The following C16orf87 variants were observed in gnomAD, a reference collection of about 807,000 sequenced individuals.
C16orf87 encodes the protein HDAC and MIER1 interacting protein 1, also known as UPF0547 protein C16orf87.
C16orf87 carries 13 observed loss-of-function variants against 21.0 expected under a neutral mutation model. That is an observed-to-expected ratio of 0.62 (90% CI 0.40 to 0.98). C16orf87 has a LOEUF of 0.98. Ranked by LOEUF, C16orf87 falls within the 50% of genes least tolerant of loss-of-function variation. The pLI is 0.00. For missense variants in C16orf87, 113 were observed against 180.4 expected (o/e 0.63, Z 2.14); for synonymous variants, 49 against 60.2 (o/e 0.81, Z 0.86).
intron 2 of C16orf87, among the ~76,000 whole-genome samples, chr16:46,823,773 T>G (rs1959510753): frequency 6.6e-6 from 1 of 152,180 alleles, no homozygotes. Flanking sequence ...TAAAAAGGAA[T>G]GAACTCTTAT....
Position 46,801,380 on chromosome 16 carries a change from C to CGTG in C16orf87, c.*1569_*1571dup, listed in dbSNP as rs1184086249. 1.3e-5 allele frequency: 2 copies of CGTG among 150,802 alleles called. No homozygotes were observed. The highest frequency in any genetic ancestry group is 4.9e-5 in the African/African-American group (2 of 41,156). 9.3% of individuals were successfully genotyped at this position (150,802 alleles called of 1,614,324 possible). A position where few individuals can be genotyped will look rare whatever the true frequency, so the allele number is the denominator to read the frequency against. The stretch of plus-strand genomic sequence containing the variant: ...AAATACAAAAAAAAAAACAGCCAGG[C>CGTG]GTGGTGGCGCACGCCTCTAGTCACA... On this transcript the variant is annotated 3_prime_UTR_variant, in exon 4 of 4. Transcript: ENST00000285697.
chr16:46,824,539 C>T, intron 1 of C16orf87, 57 bp from the exon 2 acceptor site: 2 of 745,610 alleles, frequency 2.7e-6, no homozygotes, highest in Non-Finnish European at 4.4e-6. Flanking sequence ...TTAAATTTCT[C>T]AGTGTCTATG....
At chr16:46,827,984 G>C (rs1016927295) in intron 1 of C16orf87, among the ~76,000 whole-genome samples, 45 of 151,476 alleles carry the variant, frequency 3.0e-4, no homozygotes, top group Non-Finnish European at 4.9e-4. Context: ...GCCCAGGCTG[G>C]AGTACAGTGG....
chr16:46,802,891 CTGTT>C lies in C16orf87; in HGVS notation c.*57_*60del, dbSNP rs1339991430. ...TCAGAATGCTCCTGAGAGTCCATAA[CTGTT>C]TGAGAATTTGCTGATGTTATCCTGA... On this transcript the variant is annotated 3_prime_UTR_variant, in exon 4 of 4. Transcript: ENST00000285697. 9 of 807,170 alleles carry C rather than the reference CTGTT, an allele frequency of 1.1e-5. No homozygotes were observed. Among genetic ancestry groups the C allele is most frequent in the Non-Finnish European group, 2.0e-5 (9 of 457,450 alleles). The allele number at this position is 807,170 out of a possible 1,614,324, so 50.0% of individuals were successfully genotyped here.
At chr16:46,803,361 T>G (rs904854139) in intron 3 of C16orf87, among the ~76,000 whole-genome samples, 2 of 152,224 alleles carry the variant, frequency 1.3e-5, no homozygotes, top group Non-Finnish European at 2.9e-5. Context: ...TCAATCAAAA[T>G]GAATTTTCTC....
chr16:46,824,542 T>G, intron 1 of C16orf87, 60 bp from the exon 2 acceptor site: 1 of 715,390 alleles, frequency 1.4e-6, no homozygotes, highest in Non-Finnish European at 2.3e-6. Flanking sequence ...AATTTCTCAG[T>G]GTCTATGTGG....
In C16orf87 at chr16:46,802,846, G is replaced by A. The variant is rs1567305578; in HGVS notation, c.*106C>T. The A allele has an allele frequency of 7.4e-6, 5 of 675,370 alleles. No homozygotes were observed. The highest frequency in any genetic ancestry group is 2.6e-5 in the East Asian group (1 of 39,066). The allele number at this position is 675,370 out of a possible 1,614,324, so 41.8% of individuals were successfully genotyped here. On this transcript the variant is annotated 3_prime_UTR_variant, in exon 4 of 4. Transcript: ENST00000285697. Reference sequence around the variant, plus strand: ...AACGACAGGCGAGAAAGAAACAATCGATGGCCCTTATTGATGCAGTCAGAA... The same window carrying A: ...AACGACAGGCGAGAAAGAAACAATCAATGGCCCTTATTGATGCAGTCAGAA...
rs184984616 is a variant in C16orf87 at position 46,797,781 on chromosome 16, G to A, written c.*5171C>T. On this transcript the variant is annotated 3_prime_UTR_variant, in exon 4 of 4. Transcript: ENST00000285697. ...AAGTGAACTGTAAAAAGTGAAGTAT[G>A]TTTATAGTAATCCCTAGAGCAAATA... 6.6e-6 allele frequency: 1 copy of A among 152,214 alleles called. No individual in the cohort carries two copies. The highest frequency in any genetic ancestry group is 2.4e-5 in the African/African-American group (1 of 41,528). The allele number at this position is 152,214 out of a possible 1,614,324, so 9.4% of individuals were successfully genotyped here. A position where few individuals can be genotyped will look rare whatever the true frequency, so the allele number is the denominator to read the frequency against.
In C16orf87 at chr16:46,796,798, G is replaced by A. The variant is rs1032311162; in HGVS notation, c.*6154C>T. 5.3e-5 allele frequency: 8 copies of A among 152,276 alleles called. No homozygotes were observed. The highest frequency in any genetic ancestry group is 3.9e-4 in the Admixed American group (6 of 15,286). 9.4% of individuals were successfully genotyped at this position (152,276 alleles called of 1,614,324 possible). ...CATCACTGGAGCCTAAGAGGGAGGA[G>A]AAAGTAGAGCAGAAAATATCTGAAT... On this transcript the variant is annotated 3_prime_UTR_variant, in exon 4 of 4. Transcript: ENST00000285697.
At chr16:46,817,749 T>C (rs1402764783) in intron 2 of C16orf87, among the ~76,000 whole-genome samples, 1 of 151,956 alleles carries the variant, frequency 6.6e-6, no homozygotes, top group Non-Finnish European at 1.5e-5. Flanking sequence ...AAAGAAATCC[T>C]AGTACAATAG....
intron 3 of C16orf87, among the ~76,000 whole-genome samples, chr16:46,807,677 C>T (rs1967970080): frequency 6.6e-6 from 1 of 152,024 alleles, no homozygotes; most frequent in African/African-American, 2.4e-5. Flanking sequence ...ACTTCATGGT[C>T]TACATAAGAT....
chr16:46,827,345 C>T (rs1959657962), intron 1 of C16orf87, among the ~76,000 whole-genome samples: 1 of 152,054 alleles, frequency 6.6e-6, no homozygotes, highest in African/African-American at 2.4e-5. Flanking sequence ...AACCTCATTT[C>T]ATTAATTATA....
intron 2 of C16orf87, among the ~76,000 whole-genome samples, chr16:46,817,514 C>G (rs1596818235): frequency 6.6e-6 from 1 of 151,840 alleles, no homozygotes; most frequent in Non-Finnish European, 1.5e-5. Context: ...ATAGAGAAAC[C>G]CTGTCTCTAC....
intron 3 of C16orf87, among the ~76,000 whole-genome samples, chr16:46,809,243 C>T (rs1158615711): frequency 4.0e-5 from 6 of 151,098 alleles, no homozygotes; most frequent in Admixed American, 6.6e-5. Context: ...GCCATGACCG[C>T]GCCACTGCAC....
rs1433316497 is a variant in C16orf87, at chr16:46,800,791, A to G, written c.*2161T>C. ...TTTATAACAAGAAAGCTCATAGAGT[A>G]CAATTTTTTGAAAAATTGGTTAAAT... On this transcript the variant is annotated 3_prime_UTR_variant, in exon 4 of 4. Coordinates refer to ENST00000285697, the MANE Select transcript of C16orf87 (RefSeq NM_001001436.4). 6.6e-6 allele frequency: 1 copy of G among 152,226 alleles called. No homozygotes were observed. Among genetic ancestry groups the G allele is most frequent in the Non-Finnish European group, 1.5e-5 (1 of 68,036 alleles). 9.4% of individuals were successfully genotyped at this position (152,226 alleles called of 1,614,324 possible).
chr16:46,807,193 C>A (rs912092771), intron 3 of C16orf87, among the ~76,000 whole-genome samples: 3 of 152,216 alleles, frequency 2.0e-5, no homozygotes, highest in African/African-American at 7.2e-5. Flanking sequence ...GCAATCCCAG[C>A]ACTTTGGAAA....
At position 46,824,411 on chromosome 16, in the gene C16orf87, G is replaced by A. The variant is rs141659579; in HGVS notation, c.138C>T (p.His46=). 17 of 1,544,398 alleles carry A rather than the reference G, an allele frequency of 1.1e-5. No individual in the cohort carries two copies. Among genetic ancestry groups the A allele is most frequent in the Non-Finnish European group, 1.5e-5 (17 of 1,124,166 alleles). ...CTGTAGAAGGTGGTGATTTCTCTGA[G>A]TGTTTTGCATTTAAAAGTTTTCTGC... ...FISRKLLNAK[H]SEKSPPSTEN... Residue 46 remains histidine, a synonymous_variant, in exon 2 of 4, where the codon CAC becomes CAT. Coordinates refer to ENST00000285697, the MANE Select transcript of C16orf87 (RefSeq NM_001001436.4).
In C16orf87 at chr16:46,799,560, TC is replaced by T. The variant is rs1967712895; in HGVS notation, c.*3391del. 2 of 152,206 alleles carry T rather than the reference TC, an allele frequency of 1.3e-5. No homozygotes were observed. The highest frequency in any genetic ancestry group is 4.8e-5 in the African/African-American group (2 of 41,446). The allele number at this position is 152,206 out of a possible 1,614,324, so 9.4% of individuals were successfully genotyped here. A position where few individuals can be genotyped will look rare whatever the true frequency, so the allele number is the denominator to read the frequency against. On this transcript the variant is annotated 3_prime_UTR_variant, in exon 4 of 4. Coordinates refer to ENST00000285697, the MANE Select transcript of C16orf87 (RefSeq NM_001001436.4). ...AAGTGGAAATAATTAAGAATGAGTTTCAAAGAATGACGGACAAAATGTTTTA... is the reference window on the plus strand; with the variant it reads ...AAGTGGAAATAATTAAGAATGAGTTTAAAGAATGACGGACAAAATGTTTTA...
At chr16:46,817,935 A>C (rs1328265952) in intron 2 of C16orf87, among the ~76,000 whole-genome samples, 2 of 150,880 alleles carry the variant, frequency 1.3e-5, no homozygotes, top group Non-Finnish European at 3.0e-5. Context: ...AAAAAAAAAA[A>C]AAAACCACAA....
Sources: allele counts gnomAD v4.1 joint callset (sites outside exome capture counted in the v4.1 genomes callset), GRCh38; gene constraint gnomAD v4.1.1; transcripts MANE v1.5; gene names NCBI Gene and HGNC (gene_info 2026-07-23, HGNC 2026-07-21).